Variants in ATP1A2 observed in about 807,000 individuals in gnomAD.
ATP1A2 encodes the protein sodium/potassium-transporting ATPase subunit alpha-2.
A neutral mutation model predicts 113.1 loss-of-function variants in ATP1A2; 56 were observed. The ratio of observed to expected loss-of-function variants is 0.49; its 90% CI spans 0.40 to 0.62. ATP1A2 has a LOEUF of 0.62. Among genes scored for constraint, ATP1A2 ranks in the 20% least tolerant of loss-of-function variants. The pLI, the probability that ATP1A2 is intolerant of heterozygous loss-of-function variation, is 0.00. For missense variants in ATP1A2, 712 were observed against 1,357.8 expected, an observed-to-expected ratio of 0.52 and a Z score of 7.47; for synonymous variants, 490 against 526.8, an observed-to-expected ratio of 0.93 and a Z score of 0.96.
At position 160,135,701 on chromosome 1, in the gene ATP1A2, C is replaced by G; in HGVS notation, c.2284+99C>G. On this transcript the variant is annotated intron_variant, in intron 16 of 22. Coordinates refer to ENST00000361216, the MANE Select transcript of ATP1A2 (RefSeq NM_000702.4). The surrounding 1 kb of genome is among the most constrained non-coding windows in gnomAD (Gnocchi z 6.3). ...CCAGTTGAAGAATCATTCCACAACTCTAGGCAGCCCAGCCCACTTTAGCTT... is the reference window on the plus strand; with the variant it reads ...CCAGTTGAAGAATCATTCCACAACTGTAGGCAGCCCAGCCCACTTTAGCTT... 6.2e-7 allele frequency: 1 copy of G among 1,610,240 alleles called. No individual in the cohort carries two copies. Among genetic ancestry groups the G allele is most frequent in the South Asian group, 1.1e-5 (1 of 90,874 alleles).
chr1:160,123,075 T>G (rs559302498), intron 3 of ATP1A2, 138 bp from the exon 4 acceptor site: 2 of 952,724 alleles, frequency 2.1e-6, no homozygotes, highest in South Asian at 2.9e-5. Context: ...TCTCTCCTGA[T>G]GGTCCCCCAC....
chr1:160,141,660 T>G lies in ATP1A2; in HGVS notation c.*338T>G. 2 of 371,834 alleles carry G rather than the reference T, an allele frequency of 5.4e-6. No individual in the cohort carries two copies. The highest frequency in any genetic ancestry group is 2.6e-5 in the South Asian group (1 of 38,224). The allele number at this position is 371,834 out of a possible 1,614,324, so 23.0% of individuals were successfully genotyped here. ...CCTTCAACCCCACTTCCTACTGTAA[T>G]AGATCAGCATCCAAAAGCAGGAACC... On this transcript the variant is annotated 3_prime_UTR_variant, in exon 23 of 23. Coordinates refer to ENST00000361216, the MANE Select transcript of ATP1A2 (RefSeq NM_000702.4).
chr1:160,135,383 G>T lies in ATP1A2; in HGVS notation c.2116-51G>T, dbSNP rs752090704. 6.8e-6 allele frequency: 11 copies of T among 1,614,234 alleles called. No individual in the cohort carries two copies. In the South Asian group the frequency reaches 1.2e-4, roughly 18 times the overall value. ...ACAAGCATGGAGTGAGAGGCGAGGA[G>T]CCAGGCTTGGGAAGGGGTTTCGTCC... On this transcript the variant is annotated intron_variant, in intron 15 of 22. Transcript: ENST00000361216. The surrounding 1 kb of genome is among the most constrained non-coding windows in gnomAD (Gnocchi z 6.3).
At chr1:160,137,569 G>A (rs1399608501) in intron 20 of ATP1A2, among the ~76,000 whole-genome samples, 1 of 152,180 alleles carries the variant, frequency 6.6e-6, no homozygotes, top group Non-Finnish European at 1.5e-5. Context: ...CCCCAAACAG[G>A]TTAAATGATG....
intron 1 of ATP1A2, among the ~76,000 whole-genome samples, chr1:160,116,098 C>T (rs530505924): frequency 6.6e-6 from 1 of 151,650 alleles, no homozygotes; most frequent in African/African-American, 2.4e-5. Flanking sequence ...CCCCTGCCCA[C>T]AGTTAGACCC....
rs113486717 is a variant in ATP1A2, at chr1:160,134,363, C to T, written c.1828-121C>T. The T allele has an allele frequency of 1.5e-4, 211 of 1,419,372 alleles. 1 individual carries two copies. In the African/African-American group the frequency reaches 2.4e-3, roughly 16 times the overall value. The allele number at this position is 1,419,372 out of a possible 1,614,324, so 87.9% of individuals were successfully genotyped here. A position where few individuals can be genotyped will look rare whatever the true frequency, so the allele number is the denominator to read the frequency against. On this transcript the variant is annotated intron_variant, in intron 13 of 22. Coordinates refer to ENST00000361216, the MANE Select transcript of ATP1A2 (RefSeq NM_000702.4). Reference sequence around the variant, plus strand: ...GACGCACACACACATGCCCTTATTTCGGTTGGGATCTGCCATCCCCAGACA... The same window carrying T: ...GACGCACACACACATGCCCTTATTTTGGTTGGGATCTGCCATCCCCAGACA...
chr1:160,134,684 G>A (rs1651879877), intron 14 of ATP1A2, 64 bp downstream of exon 14: 14 of 1,612,304 alleles, frequency 8.7e-6, no homozygotes, highest in Non-Finnish European at 1.2e-5. Flanking sequence ...GAAGGCTTGG[G>A]TGTCCCCTGG....
chr1:160,133,046 T>C (rs1477409687), intron 13 of ATP1A2, among the ~76,000 whole-genome samples: 1 of 152,008 alleles, frequency 6.6e-6, no homozygotes. Context: ...TAAGGTGCTG[T>C]AGCTGGAGAA....
chr1:160,134,759 C>T, intron 14 of ATP1A2, 139 bp downstream of exon 14: 1 of 1,297,686 alleles, frequency 7.7e-7, no homozygotes, highest in Non-Finnish European at 1.1e-6. Context: ...GTGACTGGTT[C>T]CTCAGCCCTG....
intron 17 of ATP1A2, 102 bp downstream of exon 17, chr1:160,136,095 A>G: frequency 6.2e-7 from 1 of 1,603,362 alleles, no homozygotes. Flanking sequence ...TGTGGGGGTT[A>G]CAGGAGACAG....
intron 6 of ATP1A2, 63 bp from the exon 7 acceptor site, chr1:160,125,073 A>T: frequency 7.4e-7 from 1 of 1,357,488 alleles, no homozygotes; most frequent in Non-Finnish European, 1.1e-6. Flanking sequence ...GTGGTTCAGG[A>T]GACAGCTGTG....
chr1:160,124,146 G>C (rs1417528539), intron 5 of ATP1A2, 90 bp downstream of exon 5: 11 of 1,570,874 alleles, frequency 7.0e-6, no homozygotes, highest in Non-Finnish European at 9.6e-6. Context: ...CTCTAAGATA[G>C]AGATGGACAG....
At chr1:160,125,274 C>A (rs1456773923) in intron 7 of ATP1A2, 21 bp downstream of exon 7, 1 of 1,594,094 alleles carries the variant, frequency 6.3e-7, no homozygotes, top group South Asian at 1.1e-5. Context: ...AGGCTGCCCC[C>A]TGTAGGAAAG....
rs760213030 is a variant in ATP1A2 at position 160,135,454 on chromosome 1, G to A, written c.2136G>A (p.Thr712=). ...CQRQGAIVAV[T]GDGVNDSPAL... is the part of the protein sequence containing the mutation. Reference sequence around the variant, plus strand: ...TCCAGGGAGCCATTGTGGCCGTGACGGGTGACGGGGTGAACGACTCCCCTG... The same window carrying A: ...TCCAGGGAGCCATTGTGGCCGTGACAGGTGACGGGGTGAACGACTCCCCTG... The change falls in exon 16 of 23, where the codon ACG becomes ACA. Residue 712 remains threonine, a synonymous_variant. Coordinates refer to ENST00000361216, the MANE Select transcript of ATP1A2 (RefSeq NM_000702.4). The surrounding 1 kb of genome is among the most constrained non-coding windows in gnomAD (Gnocchi z 6.3). 29 of 1,614,084 alleles carry A rather than the reference G, an allele frequency of 1.8e-5. No individual in the cohort carries two copies. The highest frequency in any genetic ancestry group is 2.3e-5 in the Non-Finnish European group (27 of 1,180,050).
At position 160,134,235 on chromosome 1, in the gene ATP1A2, C is replaced by CCACA. The variant is rs146388527; in HGVS notation, c.1828-234_1828-231dup. The stretch of plus-strand genomic sequence containing the variant: ...CCCCTCACACACACACAATCCCCAC[C>CCACA]CACACACACACACACACATCCTACA... On this transcript the variant is annotated intron_variant, in intron 13 of 22. Transcript: ENST00000361216. 0.059 allele frequency among the ~76,000 whole-genome samples: 7,244 copies of CCACA among 122,816 alleles called. 313 individuals carry two copies. Among genetic ancestry groups the CCACA allele is most frequent in the African/African-American group, 0.079 (2,383 of 30,084 alleles). The allele number at this position is 122,816 out of a possible 152,430, so 80.6% of individuals were successfully genotyped here.
At chr1:160,129,477 T>C in intron 11 of ATP1A2, 77 bp downstream of exon 11, 2 of 1,590,990 alleles carry the variant, frequency 1.3e-6, no homozygotes, top group Non-Finnish European at 1.7e-6. Context: ...AGGGGAATCA[T>C]CACTAGCAGG....
intron 19 of ATP1A2, 21 bp from the exon 20 acceptor site, chr1:160,136,880 C>T: frequency 6.2e-7 from 1 of 1,614,252 alleles, no homozygotes. Context: ...TCTCATCTGT[C>T]TCTGCCCACC....
chr1:160,134,321 C>G (rs1034711864), intron 13 of ATP1A2, among the ~76,000 whole-genome samples, 163 bp from the exon 14 acceptor site: 21 of 151,846 alleles, frequency 1.4e-4, no homozygotes, highest in African/African-American at 5.1e-4. Context: ...CCCACCCCAG[C>G]CACTCCCCTG....
chr1:160,135,102 A>G lies in ATP1A2; in HGVS notation c.1965-43A>G, dbSNP rs765061880. The stretch of plus-strand genomic sequence containing the variant: ...GGCAGGGGGCAGGAGGGGCTGGTAC[A>G]GGTGCCAGGGGTCAGCTGTCTCTGT... On this transcript the variant is annotated intron_variant, in intron 14 of 22. Coordinates refer to ENST00000361216, the MANE Select transcript of ATP1A2 (RefSeq NM_000702.4). This position sits in a 1 kb window ranked among gnomAD's most constrained non-coding sequence, Gnocchi z 6.3. 8 of 1,613,000 alleles carry G rather than the reference A, an allele frequency of 5.0e-6. No homozygotes were observed. The highest frequency in any genetic ancestry group is 5.1e-6 in the Non-Finnish European group (6 of 1,179,610).
Sources: allele counts gnomAD v4.1 joint callset (sites outside exome capture counted in the v4.1 genomes callset), GRCh38; gene constraint gnomAD v4.1.1; non-coding constraint Gnocchi (gnomAD v3.1); transcripts MANE v1.5; gene names NCBI Gene and HGNC (gene_info 2026-07-23, HGNC 2026-07-21).